Variants in MAPK4 observed in about 807,000 individuals in gnomAD.
MAPK4 encodes Erk3-related.
MAPK4 carries 22 observed loss-of-function variants against 47.7 expected under a neutral mutation model. The observed-to-expected ratio is 0.46, with a 90% CI of 0.33 to 0.66. The LOEUF is 0.66. Ranked by LOEUF, MAPK4 falls within the 30% of genes least tolerant of loss-of-function variation. The pLI, the probability that MAPK4 is intolerant of heterozygous loss-of-function variation, is 0.02. For missense variants in MAPK4, 736 were observed against 831.7 expected, an observed-to-expected ratio of 0.88 and a Z score of 1.42; for synonymous variants, 390 against 365.7, an observed-to-expected ratio of 1.07 and a Z score of -0.76.
chr18:50,645,608 CAG>C (rs2042981736), intron 1 of MAPK4, among the ~76,000 whole-genome samples: 2 of 152,134 alleles, frequency 1.3e-5, no homozygotes, highest in African/African-American at 4.8e-5. Flanking sequence ...CAAAAGGAAA[CAG>C]AGCCGGAGAA....
intron 1 of MAPK4, among the ~76,000 whole-genome samples, chr18:50,604,330 G>A (rs2042565100): frequency 6.6e-6 from 1 of 152,190 alleles, no homozygotes; most frequent in Admixed American, 6.5e-5. Flanking sequence ...TTAAAGTTTT[G>A]ATGCTGAGAG....
intron 2 of MAPK4, among the ~76,000 whole-genome samples, chr18:50,706,366 G>A (rs1910052215): frequency 6.6e-6 from 1 of 151,878 alleles, no homozygotes; most frequent in Non-Finnish European, 1.5e-5. Context: ...CTGGGGAGCT[G>A]TAAAAAAATC....
chr18:50,564,417 C>T (rs906424892), intron 1 of MAPK4, among the ~76,000 whole-genome samples: 4 of 152,276 alleles, frequency 2.6e-5, no homozygotes, highest in Middle Eastern at 3.4e-3. Flanking sequence ...AGCCTGCTCC[C>T]CAAGTTGTGA....
Position 50,729,726 on chromosome 18 carries a change from G to T in MAPK4, c.1636G>T (p.Ala546Ser). 6.3e-7 allele frequency: 1 copy of T among 1,591,702 alleles called. No homozygotes were observed. Among genetic ancestry groups the T allele is most frequent in the Non-Finnish European group, 8.5e-7 (1 of 1,170,638 alleles). Residue 546 changes from alanine (A) to serine (S), a missense_variant, in exon 6 of 6, where the codon GCC becomes TCC. Physicochemically the swap from Ala to Ser is moderately conservative, Grantham distance 99. Coordinates refer to ENST00000400384, the MANE Select transcript of MAPK4 (RefSeq NM_002747.4). ...CGACCTGGACGTGTTCATCTCCCGC[G>T]CCCTGAAGCTCTGCACCAAGCCCGA... ...QFDLDVFISR[A>S]LKLCTKPEDL...
At chr18:50,565,035 T>G (rs1238661623) in intron 1 of MAPK4, among the ~76,000 whole-genome samples, 1 of 152,122 alleles carries the variant, frequency 6.6e-6, no homozygotes, top group Non-Finnish European at 1.5e-5. Flanking sequence ...GAAAGCAGTC[T>G]TTGGGAAAGC....
intron 1 of MAPK4, among the ~76,000 whole-genome samples, chr18:50,621,942 T>G (rs960067510): frequency 9.2e-5 from 14 of 152,390 alleles, no homozygotes; most frequent in Non-Finnish European, 1.9e-4. Context: ...CACTGCACTG[T>G]GCCAGGCACA....
intron 1 of MAPK4, among the ~76,000 whole-genome samples, chr18:50,568,645 G>T (rs2042223093): frequency 6.6e-6 from 1 of 152,178 alleles, no homozygotes; most frequent in Non-Finnish European, 1.5e-5. Flanking sequence ...GAACTCTACT[G>T]CCTATTTCTG....
intron 1 of MAPK4, among the ~76,000 whole-genome samples, chr18:50,573,209 A>T (rs553958794): frequency 6.6e-6 from 1 of 152,220 alleles, no homozygotes; most frequent in Non-Finnish European, 1.5e-5. Flanking sequence ...AAGGTGGAGA[A>T]AAAAGAAGTC....
intron 1 of MAPK4, among the ~76,000 whole-genome samples, chr18:50,603,651 A>G (rs1238437369): frequency 2.0e-5 from 3 of 151,960 alleles, no homozygotes; most frequent in Non-Finnish European, 4.4e-5. Flanking sequence ...GCCTGTATGT[A>G]CAAACTAGTT....
In MAPK4 at chr18:50,664,384, C is replaced by T. The variant is rs373515540; in HGVS notation, c.426C>T (p.Ser142=). The T allele has an allele frequency of 2.0e-5, 33 of 1,613,920 alleles. No individual in the cohort carries two copies. Among genetic ancestry groups the T allele is most frequent in the East Asian group, 1.6e-4 (7 of 44,892 alleles). ...QLLRGLKYIH[S]ANVLHRDLKP... is the part of the protein sequence containing the mutation. ...TCCGCGGGCTCAAGTACATCCACTC[C>T]GCCAACGTGCTGCACAGGGACCTGA... Residue 142 remains serine, a synonymous_variant, in exon 2 of 6, where the codon TCC becomes TCT. Transcript: ENST00000400384. The surrounding 1 kb of genome is among the most constrained non-coding windows in gnomAD (Gnocchi z 6.0).
chr18:50,728,554 C>T (rs1461543914), intron 5 of MAPK4, among the ~76,000 whole-genome samples: 1 of 152,202 alleles, frequency 6.6e-6, no homozygotes, highest in Non-Finnish European at 1.5e-5. Context: ...CCTACTCAGT[C>T]AGAATTGGTG....
intron 3 of MAPK4, among the ~76,000 whole-genome samples, chr18:50,716,606 C>T (rs914096226): frequency 4.6e-5 from 7 of 152,336 alleles, no homozygotes; most frequent in South Asian, 2.1e-4. Context: ...GCATGAGCCC[C>T]GTGGGCCTGC....
At chr18:50,692,569 T>C (rs1909278474) in intron 2 of MAPK4, among the ~76,000 whole-genome samples, 1 of 152,150 alleles carries the variant, frequency 6.6e-6, no homozygotes, top group Admixed American at 6.5e-5. Context: ...TTTTACAGGG[T>C]TGTTCTAAGG....
intron 1 of MAPK4, among the ~76,000 whole-genome samples, chr18:50,576,762 A>T (rs538425408): frequency 4.3e-4 from 66 of 152,240 alleles, no homozygotes; most frequent in Non-Finnish European, 8.1e-4. Context: ...CTAGGACAGT[A>T]TTTATTAATG....
intron 1 of MAPK4, among the ~76,000 whole-genome samples, chr18:50,650,310 C>G (rs1193776233): frequency 6.6e-6 from 1 of 151,938 alleles, no homozygotes; most frequent in African/African-American, 2.4e-5. Context: ...ATCCTTCTGC[C>G]CATTGCCCCC....
At position 50,663,703 on chromosome 18, in the gene MAPK4, CAG is replaced by C; in HGVS notation, c.-255_-254del. On this transcript the variant is annotated 5_prime_UTR_variant, in exon 2 of 6. Transcript: ENST00000400384. ...AGCTTTAAGAAGGGTTCAGGAAACA[CAG>C]GAATTAGTAGACAGCCCTCCCAATG... 2.6e-6 allele frequency: 1 copy of C among 388,186 alleles called. No homozygotes were observed. 24.0% of individuals were successfully genotyped at this position (388,186 alleles called of 1,614,324 possible).
At chr18:50,710,664 C>T (rs1056394883) in intron 2 of MAPK4, among the ~76,000 whole-genome samples, 6 of 151,724 alleles carry the variant, frequency 4.0e-5, no homozygotes, top group African/African-American at 1.2e-4. Context: ...CCTGCAGTCC[C>T]GGCTACTCAG....
intron 1 of MAPK4, 126 bp downstream of exon 1, chr18:50,560,369 A>G: frequency 6.6e-6 from 1 of 152,016 alleles, no homozygotes; most frequent in South Asian, 2.1e-4. Context: ...CCTTACCCTA[A>G]CAATAAGCCC....
chr18:50,659,809 A>T (rs1189318420), intron 1 of MAPK4, among the ~76,000 whole-genome samples: 1 of 152,278 alleles, frequency 6.6e-6, no homozygotes, highest in East Asian at 1.9e-4. Flanking sequence ...TGAACGAGTG[A>T]CCTTTCCATC....
Sources: gnomAD v4.1 joint callset for allele counts (sites outside exome capture counted in the v4.1 genomes callset) on GRCh38, gnomAD v4.1.1 for gene constraint, Gnocchi (gnomAD v3.1) non-coding constraint, MANE v1.5 for transcripts, NCBI Gene and HGNC (gene_info 2026-07-23, HGNC 2026-07-21) for gene names.